The following SLFN5 variants were observed in gnomAD, a reference collection of about 807,000 sequenced individuals.
SLFN5 encodes schlafen family member 5.
A neutral mutation model predicts 48.5 loss-of-function variants in SLFN5; 34 were observed. That is an observed-to-expected ratio of 0.70 (90% CI 0.53 to 0.93). The LOEUF (loss-of-function observed/expected upper bound fraction) is 0.93. Ranked by LOEUF, SLFN5 falls within the 40% of genes least tolerant of loss-of-function variation. SLFN5 has a pLI of 0.00. For missense variants in SLFN5, 1,006 were observed against 1,071.3 expected, an observed-to-expected ratio of 0.94 and a Z score of 0.85; for synonymous variants, 387 against 396.2, an observed-to-expected ratio of 0.98 and a Z score of 0.28.
Position 35,264,807 on chromosome 17 carries a change from C to A in SLFN5, c.1763C>A (p.Ala588Asp). The change falls in exon 4 of 5, where the codon GCT becomes GAT. Residue 588 changes from alanine to aspartate, a missense_variant. Coordinates refer to ENST00000299977, the MANE Select transcript of SLFN5 (RefSeq NM_144975.4). Reference sequence around the variant, plus strand: ...CCTGGATCAGGGAAGACTATCTTGGCTCTTAGGATCATGGAGAAGATCAGG... The same window carrying A: ...CCTGGATCAGGGAAGACTATCTTGGATCTTAGGATCATGGAGAAGATCAGG... ...GLPGSGKTIL[A>D]LRIMEKIRNV... 6.3e-7 allele frequency: 1 copy of A among 1,597,710 alleles called. No individual in the cohort carries two copies. Among genetic ancestry groups the A allele is most frequent in the Non-Finnish European group, 8.5e-7 (1 of 1,174,090 alleles).
chr17:35,263,675 T>G (rs968050179), intron 3 of SLFN5, among the ~76,000 whole-genome samples: 2 of 151,796 alleles, frequency 1.3e-5, no homozygotes, highest in African/African-American at 4.8e-5. Flanking sequence ...ATACAAAAAT[T>G]AGCCAGGCTT....
Position 35,271,301 on chromosome 17 carries a change from A to G in SLFN5, c.*5413A>G, listed in dbSNP as rs1469997857. 1 of 152,250 alleles carries G rather than the reference A, an allele frequency of 6.6e-6. No homozygotes were observed. Among genetic ancestry groups the G allele is most frequent in the African/African-American group, 2.4e-5 (1 of 41,474 alleles). 9.4% of individuals were successfully genotyped at this position (152,250 alleles called of 1,614,324 possible). A position where few individuals can be genotyped will look rare whatever the true frequency, so the allele number is the denominator to read the frequency against. On this transcript the variant is annotated 3_prime_UTR_variant, in exon 5 of 5. Transcript: ENST00000299977. ...CATATAGGGATGGGCTATTAGCAAGAGTATATGAATAACGTACTATAACAA... is the reference window on the plus strand; with the variant it reads ...CATATAGGGATGGGCTATTAGCAAGGGTATATGAATAACGTACTATAACAA...
Position 35,266,174 on chromosome 17 carries a change from G to GTC in SLFN5, c.*287_*288insCT. On this transcript the variant is annotated 3_prime_UTR_variant, in exon 5 of 5. Transcript: ENST00000299977. Reference sequence around the variant, plus strand: ...TGTGTGTGTGTGTGTGTGTGTGTGTGTGTGCGCGCGCGCACGTGCACATGT... The same window carrying GTC: ...TGTGTGTGTGTGTGTGTGTGTGTGTGTCTGTGCGCGCGCGCACGTGCACATGT... The GTC allele has an allele frequency of 7.5e-6, 2 of 264,926 alleles. No homozygotes were observed. Among genetic ancestry groups the GTC allele is most frequent in the Non-Finnish European group, 1.4e-5 (2 of 141,026 alleles). The allele number at this position is 264,926 out of a possible 1,614,324, so 16.4% of individuals were successfully genotyped here.
rs923527494 is a variant in SLFN5 at position 35,270,326 on chromosome 17, G to A, written c.*4438G>A. On this transcript the variant is annotated 3_prime_UTR_variant, in exon 5 of 5. Coordinates refer to ENST00000299977, the MANE Select transcript of SLFN5 (RefSeq NM_144975.4). ...ACCTTGAAGGTCACATGCTGAAATC[G>A]CCCTCTACTAAAACAAACTCATAGA... The A allele has an allele frequency of 2.0e-5, 3 of 152,048 alleles. No homozygotes were observed. The highest frequency in any genetic ancestry group is 2.1e-4 in the South Asian group (1 of 4,810). 9.4% of individuals were successfully genotyped at this position (152,048 alleles called of 1,614,324 possible). A position where few individuals can be genotyped will look rare whatever the true frequency, so the allele number is the denominator to read the frequency against.
intron 1 of SLFN5, among the ~76,000 whole-genome samples, chr17:35,243,818 C>T (rs1322031276): frequency 6.6e-6 from 1 of 152,216 alleles, no homozygotes; most frequent in Non-Finnish European, 1.5e-5. Flanking sequence ...ACCTGATGTG[C>T]TGTTGATGCC....
chr17:35,260,931 G>A, intron 2 of SLFN5, 40 bp from the exon 3 acceptor site: 1 of 1,608,804 alleles, frequency 6.2e-7, no homozygotes, highest in Non-Finnish European at 8.5e-7. Context: ...GTTGGGGTCT[G>A]CCTTTTTGCA....
Position 35,265,919 on chromosome 17 carries a change from T to G in SLFN5, c.*31T>G, listed in dbSNP as rs767286132. On this transcript the variant is annotated 3_prime_UTR_variant, in exon 5 of 5. Transcript: ENST00000299977. Reference sequence around the variant, plus strand: ...AACCCAAGCCTAAGAAACAATTAAGTGGTTCTCATCTCTAATTAACTGTGA... The same window carrying G: ...AACCCAAGCCTAAGAAACAATTAAGGGGTTCTCATCTCTAATTAACTGTGA... 4 of 1,543,998 alleles carry G rather than the reference T, an allele frequency of 2.6e-6. No individual in the cohort carries two copies. Among genetic ancestry groups the G allele is most frequent in the Non-Finnish European group, 3.5e-6 (4 of 1,148,538 alleles).
Position 35,258,976 on chromosome 17 carries a change from T to C in SLFN5, c.286T>C (p.Leu96=), listed in dbSNP as rs777834172. 6.2e-6 allele frequency: 10 copies of C among 1,614,218 alleles called. No homozygotes were observed. The highest frequency in any genetic ancestry group is 2.7e-5 in the African/African-American group (2 of 75,062). ...TAAGATGCAGAAGGAAAACCACTTT[T>C]TGATTTTTGTGAAATCATGGAACAC... is the stretch of plus-strand genomic sequence containing the variant. ...LDKMQKENHF[L]IFVKSWNTEA... is the part of the protein sequence containing the mutation. Residue 96 remains leucine, a synonymous_variant, in exon 2 of 5, where the codon TTG becomes CTG. Coordinates refer to ENST00000299977, the MANE Select transcript of SLFN5 (RefSeq NM_144975.4).
chr17:35,265,055 G>T lies in SLFN5; in HGVS notation c.1860-17G>T. On this transcript the variant is annotated splice_polypyrimidine_tract_variant and intron_variant, in intron 4 of 4. Transcript: ENST00000299977. Reference sequence around the variant, plus strand: ...TCTTTGTTTCATTGGGGAAAAACCTGACTCTGTTTCTTACAGTTTCAGCAA... The same window carrying T: ...TCTTTGTTTCATTGGGGAAAAACCTTACTCTGTTTCTTACAGTTTCAGCAA... 1 of 1,593,552 alleles carries T rather than the reference G, an allele frequency of 6.3e-7. No homozygotes were observed. Among genetic ancestry groups the T allele is most frequent in the South Asian group, 1.2e-5 (1 of 86,682 alleles).
chr17:35,248,694 C>T (rs1196143999), intron 1 of SLFN5, among the ~76,000 whole-genome samples: 2 of 151,910 alleles, frequency 1.3e-5, no homozygotes, highest in African/African-American at 2.4e-5. Context: ...GGTATGCAGA[C>T]ATCTGTAGAA....
intron 1 of SLFN5, among the ~76,000 whole-genome samples, chr17:35,247,933 G>A (rs1354203422): frequency 2.0e-5 from 3 of 152,124 alleles, no homozygotes; most frequent in African/African-American, 4.8e-5. Flanking sequence ...TTTGGTCCAC[G>A]GGGAGTGCTT....
chr17:35,267,512 T>G lies in SLFN5; in HGVS notation c.*1624T>G, dbSNP rs1206661597. On this transcript the variant is annotated 3_prime_UTR_variant, in exon 5 of 5. Coordinates refer to ENST00000299977, the MANE Select transcript of SLFN5 (RefSeq NM_144975.4). Reference sequence around the variant, plus strand: ...TTCAAGACCAGCTTGAGCAATATAGTGAGACCCTGTCTCTACAAAAACAAA... The same window carrying G: ...TTCAAGACCAGCTTGAGCAATATAGGGAGACCCTGTCTCTACAAAAACAAA... The G allele has an allele frequency of 6.6e-6, 1 of 152,106 alleles. No individual in the cohort carries two copies. The highest frequency in any genetic ancestry group is 1.5e-5 in the Non-Finnish European group (1 of 68,060). The allele number at this position is 152,106 out of a possible 1,614,324, so 9.4% of individuals were successfully genotyped here. A position where few individuals can be genotyped will look rare whatever the true frequency, so the allele number is the denominator to read the frequency against.
rs557554829 is a variant in SLFN5, at chr17:35,268,052, A to C, written c.*2164A>C. 1 of 152,204 alleles carries C rather than the reference A, an allele frequency of 6.6e-6. No individual in the cohort carries two copies. Among genetic ancestry groups the C allele is most frequent in the Non-Finnish European group, 1.5e-5 (1 of 68,054 alleles). The allele number at this position is 152,204 out of a possible 1,614,324, so 9.4% of individuals were successfully genotyped here. On this transcript the variant is annotated 3_prime_UTR_variant, in exon 5 of 5. Transcript: ENST00000299977. ...ATGCTTTGCCTCCTTCATGGAATTC[A>C]GTGGATTTAATGGAAGTTCCTAGGC...
At chr17:35,263,021 G>C (rs1394639022) in intron 3 of SLFN5, among the ~76,000 whole-genome samples, 2 of 152,202 alleles carry the variant, frequency 1.3e-5, no homozygotes, top group African/African-American at 4.8e-5. Context: ...CAGGTGTTAA[G>C]ATGGCACTCT....
In SLFN5 at chr17:35,258,683, C is replaced by G; in HGVS notation, c.-8C>G. The G allele has an allele frequency of 6.2e-7, 1 of 1,607,672 alleles. No homozygotes were observed. Among genetic ancestry groups the G allele is most frequent in the Non-Finnish European group, 8.5e-7 (1 of 1,175,722 alleles). ...TTTCAGGATAGGAATAGGCCAAGTG[C>G]TGAGAAGATGAGTCTTAGGATTGAT... On this transcript the variant is annotated 5_prime_UTR_variant, in exon 2 of 5. Transcript: ENST00000299977.
Position 35,264,647 on chromosome 17 carries a change from A to T in SLFN5, c.1603A>T (p.Ile535Leu), listed in dbSNP as rs370988460. The change falls in exon 4 of 5, where the codon ATA (isoleucine) becomes TTA (leucine). Residue 535 changes from isoleucine (I) to leucine (L), a missense_variant. Ile to Leu is a conservative substitution (Grantham distance 5). Transcript: ENST00000299977. ...HMEALLQSLV[I>L]VLLGFKSFLS... ...GGAAGCCCTGTTACAGTCCCTCGTG[A>T]TAGTCTTGCTTGGGTTCAAATCCTT... 20 of 1,614,032 alleles carry T rather than the reference A, an allele frequency of 1.2e-5. No homozygotes were observed. Among genetic ancestry groups the T allele is most frequent in the Non-Finnish European group, 1.6e-5 (19 of 1,180,026 alleles).
Position 35,259,319 on chromosome 17 carries a change from A to G in SLFN5, c.629A>G (p.Asp210Gly), listed in dbSNP as rs762228016. ...ACAGACGTGTCACACTGTGTTAAAG[A>G]CAGACTTCCGAAGTGTGTTTCTGCA... ...FSTDVSHCVK[D>G]RLPKCVSAFA... is the part of the protein sequence containing the mutation. Residue 210 changes from aspartate (D) to glycine (G), a missense_variant, in exon 2 of 5, where the codon GAC becomes GGC. Transcript: ENST00000299977. 2 of 1,614,190 alleles carry G rather than the reference A, an allele frequency of 1.2e-6. No individual in the cohort carries two copies. Among genetic ancestry groups the G allele is most frequent in the Non-Finnish European group, 1.7e-6 (2 of 1,180,046 alleles).
Position 35,266,195 on chromosome 17 carries a change from C to T in SLFN5, c.*307C>T. On this transcript the variant is annotated 3_prime_UTR_variant, in exon 5 of 5. Coordinates refer to ENST00000299977, the MANE Select transcript of SLFN5 (RefSeq NM_144975.4). The stretch of plus-strand genomic sequence containing the variant: ...GTGTGTGTGCGCGCGCGCACGTGCA[C>T]ATGTGTGTAGGTAGATGGAGGGGGT... The T allele has an allele frequency of 4.5e-6, 1 of 224,384 alleles. No individual in the cohort carries two copies. The highest frequency in any genetic ancestry group is 8.7e-6 in the Non-Finnish European group (1 of 114,786). 13.9% of individuals were successfully genotyped at this position (224,384 alleles called of 1,614,324 possible).
rs1453433650 is a variant in SLFN5 at position 35,270,876 on chromosome 17, C to T, written c.*4988C>T. The T allele has an allele frequency of 6.6e-6, 1 of 152,150 alleles. No homozygotes were observed. The highest frequency in any genetic ancestry group is 1.5e-5 in the Non-Finnish European group (1 of 68,028). The allele number at this position is 152,150 out of a possible 1,614,324, so 9.4% of individuals were successfully genotyped here. A position where few individuals can be genotyped will look rare whatever the true frequency, so the allele number is the denominator to read the frequency against. On this transcript the variant is annotated 3_prime_UTR_variant, in exon 5 of 5. Transcript: ENST00000299977. ...GGGGGGTAAAATCACCACCACCATA[C>T]CTCTTTTGACTAAAAGAGTTTCCAG...
Sources: allele counts gnomAD v4.1 joint callset (sites outside exome capture counted in the v4.1 genomes callset), GRCh38; gene constraint gnomAD v4.1.1; transcripts MANE v1.5; gene names NCBI Gene and HGNC (gene_info 2026-07-23, HGNC 2026-07-21).